The following PTPRM variants were observed in gnomAD, a reference collection of about 807,000 sequenced individuals.
PTPRM encodes protein tyrosine phosphatase receptor type M.
PTPRM carries 47 observed loss-of-function variants against 186.7 expected under a neutral mutation model. The observed-to-expected ratio is 0.25, with a 90% CI of 0.20 to 0.32. The LOEUF (loss-of-function observed/expected upper bound fraction) is 0.32, where lower values mean the gene tolerates loss of function less well. PTPRM is among the 10% of genes least tolerant of loss of function. The pLI is 1.00. For synonymous variants in PTPRM, 668 were observed against 674.9 expected, an observed-to-expected ratio of 0.99 and a Z score of 0.16; for missense variants, 1,494 against 1,865.0, an observed-to-expected ratio of 0.80 and a Z score of 3.66.
At chr18:8,130,567 G>T (rs1397530365) in intron 13 of PTPRM, among the ~76,000 whole-genome samples, 1 of 152,176 alleles carries the variant, frequency 6.6e-6, no homozygotes, top group African/African-American at 2.4e-5. Flanking sequence ...GGCCACCTAA[G>T]ATAAAGCTGA....
intron 1 of PTPRM, among the ~76,000 whole-genome samples, chr18:7,624,917 GGT>G (rs953664296): frequency 3.3e-5 from 5 of 152,156 alleles, no homozygotes; most frequent in Admixed American, 6.5e-5. Flanking sequence ...TAGTGAGCCT[GGT>G]GTGTGTGTGG....
chr18:7,838,280 C>T (rs2046153464), intron 2 of PTPRM, among the ~76,000 whole-genome samples: 2 of 152,162 alleles, frequency 1.3e-5, no homozygotes, highest in South Asian at 4.1e-4. Context: ...AACTCACTCA[C>T]TATCATGAGA....
intron 1 of PTPRM, among the ~76,000 whole-genome samples, chr18:7,577,398 G>A (rs2036716173): frequency 6.6e-6 from 1 of 152,100 alleles, no homozygotes; most frequent in South Asian, 2.1e-4. Flanking sequence ...AGGGGGATTT[G>A]ATTTAGTCAC....
chr18:7,735,934 G>T, intron 1 of PTPRM, among the ~76,000 whole-genome samples: 1 of 149,352 alleles, frequency 6.7e-6, no homozygotes, highest in African/African-American at 2.5e-5. Flanking sequence ...ATCCTTCTTT[G>T]ACCTGAAAGC....
chr18:7,736,578 T>G (rs1313971870), intron 1 of PTPRM, among the ~76,000 whole-genome samples: 1 of 151,878 alleles, frequency 6.6e-6, no homozygotes, highest in Non-Finnish European at 1.5e-5. Flanking sequence ...GAATGCTTAA[T>G]TACTGTCCCT....
intron 2 of PTPRM, among the ~76,000 whole-genome samples, chr18:7,867,082 T>A (rs1450821706): frequency 1.3e-5 from 2 of 152,214 alleles, no homozygotes; most frequent in Non-Finnish European, 2.9e-5. Context: ...ATTTTGAGCC[T>A]ATGTGTGTCT....
chr18:8,175,718 T>C (rs2093470809), intron 14 of PTPRM, among the ~76,000 whole-genome samples: 1 of 152,246 alleles, frequency 6.6e-6, no homozygotes, highest in Admixed American at 6.5e-5. Context: ...CAGGGTGGCC[T>C]GGCTTAGTGT....
At chr18:7,594,870 A>G (rs1640340571) in intron 1 of PTPRM, among the ~76,000 whole-genome samples, 2 of 152,214 alleles carry the variant, frequency 1.3e-5, no homozygotes, top group Admixed American at 6.5e-5. Flanking sequence ...TTTGATTTAG[A>G]AACAAATCAG....
At chr18:7,725,823 C>T (rs112044893) in intron 1 of PTPRM, among the ~76,000 whole-genome samples, 23 of 152,246 alleles carry the variant, frequency 1.5e-4, no homozygotes, top group African/African-American at 4.8e-4. Flanking sequence ...TCAGTTCGTT[C>T]GTGTGACCTC....
At chr18:8,367,458 C>G (rs189843839) in intron 23 of PTPRM, among the ~76,000 whole-genome samples, 57 of 152,382 alleles carry the variant, frequency 3.7e-4, no homozygotes, top group African/African-American at 1.3e-3. Context: ...CAGTTGAGAG[C>G]AGACGGTGTT....
chr18:7,579,255 A>G (rs1325224638), intron 1 of PTPRM, among the ~76,000 whole-genome samples: 1 of 152,190 alleles, frequency 6.6e-6, no homozygotes, highest in East Asian at 1.9e-4. Flanking sequence ...AGCACTTGTT[A>G]AAAATGCAGA....
chr18:8,130,122 G>A (rs767544693), intron 13 of PTPRM, among the ~76,000 whole-genome samples: 2 of 152,164 alleles, frequency 1.3e-5, no homozygotes, highest in African/African-American at 2.4e-5. Context: ...TTTTAGGATT[G>A]CTGCTGTTGT....
chr18:8,203,820 C>G (rs574685506), intron 14 of PTPRM, among the ~76,000 whole-genome samples: 2 of 152,256 alleles, frequency 1.3e-5, no homozygotes, highest in South Asian at 4.1e-4. Flanking sequence ...CTTATTTCTT[C>G]TAATCGAGTA....
intron 2 of PTPRM, among the ~76,000 whole-genome samples, chr18:7,835,681 T>G (rs2145778216): frequency 6.6e-6 from 1 of 152,218 alleles, no homozygotes; most frequent in Non-Finnish European, 1.5e-5. Context: ...TATCTCCAGC[T>G]ATTCTTGTAT....
At chr18:7,711,012 T>A (rs1297332920) in intron 1 of PTPRM, among the ~76,000 whole-genome samples, 1 of 152,108 alleles carries the variant, frequency 6.6e-6, no homozygotes, top group Admixed American at 6.5e-5. Flanking sequence ...CTCATCAAAA[T>A]ACTGATGTGG....
At chr18:8,130,616 G>A (rs956392829) in intron 13 of PTPRM, among the ~76,000 whole-genome samples, 2 of 152,246 alleles carry the variant, frequency 1.3e-5, no homozygotes, top group African/African-American at 4.8e-5. Context: ...TTCCCTTAAT[G>A]GTACAGATGA....
intron 14 of PTPRM, among the ~76,000 whole-genome samples, chr18:8,189,242 T>C (rs895661925): frequency 2.0e-5 from 3 of 148,130 alleles, no homozygotes; most frequent in Non-Finnish European, 4.4e-5. Context: ...CAGTGAGCCA[T>C]GCTGGCACCA....
intron 2 of PTPRM, among the ~76,000 whole-genome samples, chr18:7,804,155 C>T (rs2044115732): frequency 6.6e-6 from 1 of 152,136 alleles, no homozygotes; most frequent in Admixed American, 6.5e-5. Flanking sequence ...GCATTGACTT[C>T]ATCATCGGTT....
chr18:8,061,280 C>A (rs2088477412), intron 7 of PTPRM, among the ~76,000 whole-genome samples: 1 of 79,618 alleles, frequency 1.3e-5, no homozygotes, highest in Non-Finnish European at 2.5e-5. Flanking sequence ...GATTGCAACC[C>A]CTGCCTTTTT....
Sources: allele counts gnomAD v4.1 joint callset (sites outside exome capture counted in the v4.1 genomes callset), GRCh38; gene constraint gnomAD v4.1.1; transcripts MANE v1.5; gene names NCBI Gene and HGNC (gene_info 2026-07-23, HGNC 2026-07-21).